Variants in MSN observed in about 807,000 individuals in gnomAD.
MSN encodes epididymis luminal protein 70.
MSN carries 2 observed loss-of-function variants against 48.0 expected under a neutral mutation model. The ratio of observed to expected loss-of-function variants is 0.04; its 90% confidence interval spans 0.02 to 0.13. The LOEUF (loss-of-function observed/expected upper bound fraction) is 0.13, where lower values mean the gene tolerates loss of function less well. MSN is among the 10% of genes least tolerant of loss of function. The pLI, the probability that MSN is intolerant of heterozygous loss-of-function variation, is 1.00. For missense variants in MSN, 267 were observed against 470.1 expected, an observed-to-expected ratio of 0.57 and a Z score of 3.99; for synonymous variants, 146 against 166.9, an observed-to-expected ratio of 0.87 and a Z score of 0.97.
chrX:65,635,188 T>C (rs1481867938), intron 1 of MSN, among the ~76,000 whole-genome samples: 2 of 111,545 alleles, frequency 1.8e-5, no homozygotes, highest in African/African-American at 6.5e-5. Flanking sequence ...TTTTGTCTTA[T>C]CCTTTCTGTT....
At chrX:65,644,045 G>A (rs2070677655) in intron 1 of MSN, among the ~76,000 whole-genome samples, 1 of 111,660 alleles carries the variant, frequency 9.0e-6, no homozygotes, top group South Asian at 3.7e-4. Context: ...CTGTAAAATG[G>A]GGCCAGCTTT....
intron 1 of MSN, among the ~76,000 whole-genome samples, chrX:65,649,400 TAAA>T (rs1162390207): frequency 1.3e-5 from 1 of 74,386 alleles, no homozygotes. Flanking sequence ...CCATCTCTAC[TAAA>T]AAAAAAAAAA....
intron 1 of MSN, among the ~76,000 whole-genome samples, chrX:65,629,145 C>T (rs1412975750): frequency 9.0e-6 from 1 of 110,696 alleles, no homozygotes; most frequent in Non-Finnish European, 1.9e-5. Context: ...GAAATTTCTT[C>T]CACCAGATAC....
intron 1 of MSN, among the ~76,000 whole-genome samples, chrX:65,702,517 T>A (rs999495428): frequency 9.2e-6 from 1 of 108,826 alleles, no homozygotes; most frequent in African/African-American, 3.3e-5. Context: ...AATACAAAAA[T>A]TAGCCAGACA....
intron 1 of MSN, among the ~76,000 whole-genome samples, chrX:65,692,320 A>G (rs1474252379): frequency 8.9e-6 from 1 of 112,499 alleles, no homozygotes; most frequent in African/African-American, 3.2e-5. Context: ...CCTTCCTAGT[A>G]TGAGAATGGA....
chrX:65,670,044 T>C (rs1159366384), intron 1 of MSN, among the ~76,000 whole-genome samples: 1 of 111,517 alleles, frequency 9.0e-6, no homozygotes, highest in Non-Finnish European at 1.9e-5. Context: ...CAGACCTTTA[T>C]GGTCCTCAGA....
chrX:65,617,010 T>G lies in MSN; in HGVS notation c.-22+28398T>G, dbSNP rs771855362. Among the ~76,000 whole-genome samples, 15 of 109,482 alleles carry G rather than the reference T, an allele frequency of 1.4e-4. No individual in the cohort carries two copies. In the East Asian group the frequency reaches 4.2e-3, roughly 31 times the overall value. ...CTCTGTTTATATGCTGGATTACATTTATTGATTTGCATATATTGAACCAGC... is the reference window on the plus strand; with the variant it reads ...CTCTGTTTATATGCTGGATTACATTGATTGATTTGCATATATTGAACCAGC... On this transcript the variant is annotated intron_variant, in intron 1 of 3. Transcript: ENST00000609672.
chrX:65,678,872 C>T (rs1290724152), intron 1 of MSN, among the ~76,000 whole-genome samples: 1 of 112,008 alleles, frequency 8.9e-6, no homozygotes, highest in Non-Finnish European at 1.9e-5. Context: ...CTTTTTCTGA[C>T]ATTCTGATTA....
At chrX:65,633,832 G>A (rs2070577755) in intron 1 of MSN, among the ~76,000 whole-genome samples, 1 of 111,994 alleles carries the variant, frequency 8.9e-6, no homozygotes, top group Non-Finnish European at 1.9e-5. Flanking sequence ...AATGCCATGA[G>A]AACCCTAACA....
At chrX:65,654,166 C>T (rs1347569312) in intron 1 of MSN, among the ~76,000 whole-genome samples, 1 of 97,071 alleles carries the variant, frequency 1.0e-5, no homozygotes, top group Non-Finnish European at 2.0e-5. Context: ...AGTGCAGTGG[C>T]GCGATCTCCA....
At chrX:65,661,997 G>C (rs970504179) in intron 1 of MSN, among the ~76,000 whole-genome samples, 1 of 112,360 alleles carries the variant, frequency 8.9e-6, no homozygotes, top group African/African-American at 3.2e-5. Context: ...CTGTGTGATA[G>C]AGCAACACTC....
chrX:65,674,606 T>G (rs1006003051), intron 1 of MSN, among the ~76,000 whole-genome samples: 1 of 112,171 alleles, frequency 8.9e-6, no homozygotes, highest in Admixed American at 9.5e-5. Flanking sequence ...AATTCTGAAT[T>G]CTGACTCAGC....
chrX:65,727,781 T>G (rs371850085), intron 2 of MSN, 33 bp from the exon 3 acceptor site: 1 of 1,124,488 alleles, frequency 8.9e-7, no homozygotes, highest in South Asian at 1.8e-5. Flanking sequence ...AAGTATTCAA[T>G]CAATGGTTGG....
chrX:65,588,592 T>A, exon 1 of MSN: 5 of 801,226 alleles, frequency 6.2e-6, no homozygotes, highest in Non-Finnish European at 7.5e-6. Context: ...CCAGTGTTCG[T>A]GGACCATGCA....
intron 1 of MSN, among the ~76,000 whole-genome samples, chrX:65,701,297 A>G (rs961385295): frequency 1.8e-5 from 2 of 111,584 alleles, no homozygotes; most frequent in Non-Finnish European, 3.8e-5. Flanking sequence ...ATCCTGGACA[A>G]TGGTCTGAGG....
chrX:65,616,834 G>T (rs1411760276), intron 1 of MSN, among the ~76,000 whole-genome samples: 1 of 109,846 alleles, frequency 9.1e-6, no homozygotes, highest in Non-Finnish European at 1.9e-5. Context: ...TATGATATTG[G>T]CTGTGGGTTT....
chrX:65,626,615 A>G (rs1402880121), intron 1 of MSN, among the ~76,000 whole-genome samples: 1 of 110,913 alleles, frequency 9.0e-6, no homozygotes, highest in Non-Finnish European at 1.9e-5. Flanking sequence ...AGGAGCTGGA[A>G]ACAAAAACAA....
chrX:65,695,463 G>A (rs935606758), intron 1 of MSN, among the ~76,000 whole-genome samples: 6 of 96,141 alleles, frequency 6.2e-5, no homozygotes, highest in African/African-American at 2.0e-4. Context: ...TCATGAGATC[G>A]TGCCATTGCA....
chrX:65,680,179 T>G (rs1290256917), intron 1 of MSN, among the ~76,000 whole-genome samples: 1 of 112,028 alleles, frequency 8.9e-6, no homozygotes, highest in Admixed American at 9.5e-5. Context: ...TATTTCCCCT[T>G]TTTTTAAAAC....
Sources: allele counts gnomAD v4.1 joint callset (sites outside exome capture counted in the v4.1 genomes callset), GRCh38; gene constraint gnomAD v4.1.1; transcripts MANE v1.5; gene names NCBI Gene and HGNC (gene_info 2026-07-23, HGNC 2026-07-21).